The following ZDHHC24 variants were observed in gnomAD, a reference collection of about 807,000 sequenced individuals.
The protein encoded by ZDHHC24 is probable palmitoyltransferase ZDHHC24.
Under a neutral mutation model 23.2 loss-of-function variants are expected in ZDHHC24, and 17 were observed. The ratio of observed to expected loss-of-function variants is 0.73; its 90% CI spans 0.50 to 1.10. The LOEUF (loss-of-function observed/expected upper bound fraction) is 1.10. ZDHHC24 is among the 50% of genes least tolerant of loss of function. ZDHHC24 has a pLI of 0.00. For missense variants in ZDHHC24, 366 were observed against 393.0 expected (o/e 0.93, Z 0.58); for synonymous variants, 186 against 194.5 (o/e 0.96, Z 0.36).
At chr11:66,525,487 C>T (rs1331738257) in intron 4 of ZDHHC24, among the ~76,000 whole-genome samples, 3 of 151,910 alleles carry the variant, frequency 2.0e-5, no homozygotes, top group Non-Finnish European at 2.9e-5. Context: ...CACTTGAACC[C>T]AGGAGGCAGA....
chr11:66,522,366 G>C (rs1856280703), intron 4 of ZDHHC24, among the ~76,000 whole-genome samples: 1 of 148,850 alleles, frequency 6.7e-6, no homozygotes, highest in South Asian at 2.1e-4. Context: ...GTGAGACAGA[G>C]TCACAGAGTC....
rs550152204 is a variant in ZDHHC24 at position 66,539,390 on chromosome 11, C to T, written c.*139G>A. The T allele has an allele frequency of 5.4e-5, 74 of 1,372,680 alleles. No homozygotes were observed. Among genetic ancestry groups the T allele is most frequent in the Admixed American group, 6.7e-5 (2 of 30,038 alleles). 85.0% of individuals were successfully genotyped at this position (1,372,680 alleles called of 1,614,324 possible). On this transcript the variant is annotated 3_prime_UTR_variant, in exon 3 of 3. Coordinates refer to ENST00000310442, the MANE Select transcript of ZDHHC24 (RefSeq NM_207340.3). ...AGCCCTGGACACGTAGGAGTGTAGGCGGGCAGGGGCAAGGCCAAGGAAGGG... is the reference window on the plus strand; with the variant it reads ...AGCCCTGGACACGTAGGAGTGTAGGTGGGCAGGGGCAAGGCCAAGGAAGGG...
At chr11:66,531,025 C>G, downstream of ZDHHC24, 1 of 1,614,196 alleles carries the variant, frequency 6.2e-7, no homozygotes, top group Admixed American at 1.7e-5. Flanking sequence ...GGGCCTTCTT[C>G]AAGGTACTGG....
intron 4 of ZDHHC24, chr11:66,523,628 A>G: frequency 6.2e-7 from 1 of 1,612,884 alleles, no homozygotes; most frequent in Non-Finnish European, 8.5e-7. Context: ...CCTAGCCCCC[A>G]CTTGGCAAGA....
chr11:66,527,039 G>C, intron 3 of ZDHHC24: 1 of 1,535,410 alleles, frequency 6.5e-7, no homozygotes, highest in Non-Finnish European at 8.7e-7. Context: ...TTAGAATTCA[G>C]GGAAGGGAGC....
downstream of ZDHHC24, chr11:66,532,176 C>G (rs1442302602): frequency 2.2e-6 from 2 of 893,814 alleles, no homozygotes; most frequent in African/African-American, 3.4e-5. Flanking sequence ...CGCTTCCTCA[C>G]CACCCCCACT....
In ZDHHC24 at chr11:66,539,498, C is replaced by T. The variant is rs1471976824; in HGVS notation, c.*31G>A. ...TGTGGGGGCCCCCCTCTCACCCCTT[C>T]CTCCCTGCACAGCTCTGGCTCTTCC... On this transcript the variant is annotated 3_prime_UTR_variant, in exon 3 of 3. Transcript: ENST00000310442. The T allele has an allele frequency of 6.7e-7, 1 of 1,500,760 alleles. No homozygotes were observed. Among genetic ancestry groups the T allele is most frequent in the East Asian group, 2.4e-5 (1 of 42,516 alleles). The allele number at this position is 1,500,760 out of a possible 1,614,324, so 93.0% of individuals were successfully genotyped here.
intron 2 of ZDHHC24, 109 bp from the exon 3 acceptor site, chr11:66,539,933 CTG>C (rs1036116459): frequency 2.9e-5 from 34 of 1,163,262 alleles, no homozygotes; most frequent in Non-Finnish European, 2.3e-6. Context: ...TCAGCAAACC[CTG>C]TGTCGATACT....
Position 66,529,871 on chromosome 11 carries a change from C to T in ZDHHC24, c.560-383G>A, listed in dbSNP as rs1178616571. On this transcript the variant is annotated intron_variant, in intron 2 of 4. Transcript: ENST00000526986. ...TATACCTGCTGCGCCTACGTGCTGC[C>T]CGCGCCTACCTGCAGGCCCTCGAGT... 5.0e-6 allele frequency: 8 copies of T among 1,610,142 alleles called. No homozygotes were observed. Among genetic ancestry groups the T allele is most frequent in the Admixed American group, 1.7e-5 (1 of 59,998 alleles).
chr11:66,530,818 G>A, downstream of ZDHHC24: 1 of 1,595,896 alleles, frequency 6.3e-7, no homozygotes, highest in Non-Finnish European at 8.6e-7. Flanking sequence ...ATTGGTGGAA[G>A]GCAGGCAGAG....
chr11:66,523,023 G>T, intron 4 of ZDHHC24: 1 of 393,170 alleles, frequency 2.5e-6, no homozygotes, highest in Non-Finnish European at 5.0e-6. Context: ...TCTGGAAAGG[G>T]AAACTAAAAT....
downstream of ZDHHC24, chr11:66,520,968 C>G: frequency 2.4e-6 from 1 of 416,224 alleles, no homozygotes; most frequent in Non-Finnish European, 4.5e-6. Flanking sequence ...ATCCACCCGC[C>G]TCAGCCTCTC....
At chr11:66,524,847 C>G (rs1033842682) in intron 4 of ZDHHC24, among the ~76,000 whole-genome samples, 1 of 151,572 alleles carries the variant, frequency 6.6e-6, no homozygotes, top group African/African-American at 2.4e-5. Context: ...CAGGCGATCA[C>G]AGTTCTGGAA....
chr11:66,523,894 C>A lies in ZDHHC24; in HGVS notation c.*22-2428G>T. The stretch of plus-strand genomic sequence containing the variant: ...TCATCCACACCCCGGTGAGCCCCAT[C>A]TCCGGCATCTGCCACTCACTCCTCC... On this transcript the variant is annotated intron_variant, in intron 4 of 4. Transcript: ENST00000526986. The A allele has an allele frequency of 6.2e-7, 1 of 1,612,296 alleles. No homozygotes were observed. The highest frequency in any genetic ancestry group is 8.5e-7 in the Non-Finnish European group (1 of 1,180,022).
In ZDHHC24 at chr11:66,538,639, T is replaced by G. The variant is rs1857052632; in HGVS notation, c.*890A>C. Reference sequence around the variant, plus strand: ...TTTTTGATTTTCTTTACTATCATCTTAGAGAGATCCTAAGAGAAAACTGAG... The same window carrying G: ...TTTTTGATTTTCTTTACTATCATCTGAGAGAGATCCTAAGAGAAAACTGAG... On this transcript the variant is annotated 3_prime_UTR_variant, in exon 3 of 3. Coordinates refer to ENST00000310442, the MANE Select transcript of ZDHHC24 (RefSeq NM_207340.3). 6.6e-6 allele frequency: 1 copy of G among 152,218 alleles called. No homozygotes were observed. The highest frequency in any genetic ancestry group is 1.5e-5 in the Non-Finnish European group (1 of 68,042). The allele number at this position is 152,218 out of a possible 1,614,324, so 9.4% of individuals were successfully genotyped here.
intron 2 of ZDHHC24, 146 bp downstream of exon 2, chr11:66,543,558 A>C: frequency 9.6e-7 from 1 of 1,042,376 alleles, no homozygotes; most frequent in Admixed American, 2.9e-5. Flanking sequence ...CCCCCGGGTG[A>C]ATACCAAGCT....
At chr11:66,528,092 T>A (rs1856598721) in intron 3 of ZDHHC24, among the ~76,000 whole-genome samples, 1 of 152,118 alleles carries the variant, frequency 6.6e-6, no homozygotes, top group Non-Finnish European at 1.5e-5. Flanking sequence ...TAGCTGGGCA[T>A]GGTGGCACAC....
rs1857022268 is a variant in ZDHHC24 at position 66,537,846 on chromosome 11, T to A, written c.*1683A>T. ...GAGAGGCTGAGGCAGGAGAATGGCG[T>A]GAACCCAGAAGGCGGAGCTTGCAGT... On this transcript the variant is annotated 3_prime_UTR_variant, in exon 3 of 3. Transcript: ENST00000310442. The A allele has an allele frequency of 6.6e-6, 1 of 151,556 alleles. No homozygotes were observed. The highest frequency in any genetic ancestry group is 1.5e-5 in the Non-Finnish European group (1 of 67,780). 9.4% of individuals were successfully genotyped at this position (151,556 alleles called of 1,614,324 possible).
At chr11:66,522,249 T>C (rs1187914887) in intron 4 of ZDHHC24, among the ~76,000 whole-genome samples, 5 of 148,510 alleles carry the variant, frequency 3.4e-5, no homozygotes, top group Non-Finnish European at 5.9e-5. Context: ...TGGGAAGAAA[T>C]AAAAAAAAAT....
Sources: allele counts gnomAD v4.1 joint callset (sites outside exome capture counted in the v4.1 genomes callset), GRCh38; gene constraint gnomAD v4.1.1; transcripts MANE v1.5; gene names NCBI Gene and HGNC (gene_info 2026-07-23, HGNC 2026-07-21).